ABTB3: variants seen among roughly 807,000 people sequenced by gnomAD.
ABTB3 encodes ankyrin repeat- and BTB/POZ domain-containing protein 3.
the ABTB3 span, among the ~76,000 whole-genome samples, chr12:107,451,004 A>G: frequency 1.3e-5 from 2 of 152,006 alleles, no homozygotes; most frequent in Non-Finnish European, 2.9e-5. Context: ...ATGCATGTGA[A>G]GTATTTCTAA....
chr12:107,455,557 G>A, the ABTB3 span, among the ~76,000 whole-genome samples: 1 of 152,058 alleles, frequency 6.6e-6, no homozygotes, highest in African/African-American at 2.4e-5. Context: ...AGTAGGTCCT[G>A]TGTCAGTTAG....
the ABTB3 span, among the ~76,000 whole-genome samples, chr12:107,580,139 C>A: frequency 6.6e-6 from 1 of 152,208 alleles, no homozygotes; most frequent in East Asian, 1.9e-4. Flanking sequence ...TGAGACCCAG[C>A]AGTCCGTATT....
chr12:107,356,650 C>G, the ABTB3 span, among the ~76,000 whole-genome samples: 2 of 152,282 alleles, frequency 1.3e-5, no homozygotes, highest in South Asian at 2.1e-4. Context: ...AATGTTCCAC[C>G]CTGTGTGCCA....
the ABTB3 span, among the ~76,000 whole-genome samples, chr12:107,443,236 A>G: frequency 6.6e-6 from 1 of 152,088 alleles, no homozygotes; most frequent in Non-Finnish European, 1.5e-5. Flanking sequence ...GGAATTGAAG[A>G]GAATGAAATG....
chr12:107,519,076 G>A, the ABTB3 span, among the ~76,000 whole-genome samples: 1 of 152,128 alleles, frequency 6.6e-6, no homozygotes, highest in Middle Eastern at 3.2e-3. Context: ...CTTGGTAGGT[G>A]TATCTGTTAG....
the ABTB3 span, among the ~76,000 whole-genome samples, chr12:107,416,077 C>T: frequency 6.6e-6 from 1 of 152,176 alleles, no homozygotes; most frequent in Non-Finnish European, 1.5e-5. Flanking sequence ...GGCGCAGCTG[C>T]AAATGAGAAA....
chr12:107,610,194 G>A, the ABTB3 span: 19 of 1,614,052 alleles, frequency 1.2e-5, no homozygotes, highest in East Asian at 4.5e-5. Context: ...CCTTAGGGCC[G>A]ACGACTGCTT....
the ABTB3 span, chr12:107,657,402 G>A: frequency 1.1e-6 from 1 of 947,606 alleles, no homozygotes; most frequent in African/African-American, 1.6e-5. Flanking sequence ...ACATTCTGCA[G>A]CCAGTCTTCC....
At chr12:107,497,373 C>A in the ABTB3 span, among the ~76,000 whole-genome samples, 1 of 151,282 alleles carries the variant, frequency 6.6e-6, no homozygotes, top group Non-Finnish European at 1.5e-5. Flanking sequence ...TCATCACCAT[C>A]GCCACCATCA....
chr12:107,323,401 A>G, the ABTB3 span, among the ~76,000 whole-genome samples: 1 of 152,230 alleles, frequency 6.6e-6, no homozygotes, highest in Non-Finnish European at 1.5e-5. Flanking sequence ...CAGAAAAAAA[A>G]GATAATTGGC....
At chr12:107,433,153 G>A in the ABTB3 span, among the ~76,000 whole-genome samples, 4 of 151,486 alleles carry the variant, frequency 2.6e-5, no homozygotes, top group Non-Finnish European at 5.9e-5. Context: ...AGCCGGGCGC[G>A]GTGGCGGGCG....
chr12:107,434,832 C>T, the ABTB3 span, among the ~76,000 whole-genome samples: 1 of 151,882 alleles, frequency 6.6e-6, no homozygotes, highest in Non-Finnish European at 1.5e-5. Context: ...CCACTGTACT[C>T]CAGCCTGGGT....
At chr12:107,319,195 G>A in the ABTB3 span, 3 of 1,594,418 alleles carry the variant, frequency 1.9e-6, no homozygotes, top group East Asian at 2.2e-5. Context: ...GCGCCGGCCA[G>A]CACTGCTCGC....
At chr12:107,361,367 C>T in the ABTB3 span, among the ~76,000 whole-genome samples, 3 of 152,142 alleles carry the variant, frequency 2.0e-5, no homozygotes, top group Non-Finnish European at 4.4e-5. Flanking sequence ...AGTGTCCTTA[C>T]GTGTCGTGAT....
At chr12:107,577,670 G>A in the ABTB3 span, among the ~76,000 whole-genome samples, 4 of 152,086 alleles carry the variant, frequency 2.6e-5, no homozygotes, top group Admixed American at 1.3e-4. Flanking sequence ...CAGTGAAGAT[G>A]TAGATGGCCA....
At chr12:107,654,830 A>ACACACACACACGCG in the ABTB3 span, among the ~76,000 whole-genome samples, 1 of 147,046 alleles carries the variant, frequency 6.8e-6, no homozygotes, top group African/African-American at 2.6e-5. Context: ...ACACACACAC[A>ACACACACACACGCG]CACACACACA....
the ABTB3 span, among the ~76,000 whole-genome samples, chr12:107,427,244 C>T: frequency 1.3e-5 from 2 of 151,990 alleles, no homozygotes; most frequent in Non-Finnish European, 2.9e-5. Flanking sequence ...TCCATCATCA[C>T]GTTGCCTTCT....
the ABTB3 span, among the ~76,000 whole-genome samples, chr12:107,356,480 G>A: frequency 6.6e-6 from 1 of 152,154 alleles, no homozygotes; most frequent in Non-Finnish European, 1.5e-5. Context: ...GACCACTATG[G>A]AGAGGTTGGG....
At chr12:107,560,389 G>A in the ABTB3 span, among the ~76,000 whole-genome samples, 23 of 152,164 alleles carry the variant, frequency 1.5e-4, no homozygotes, top group African/African-American at 5.3e-4. Flanking sequence ...GAGAACCCTG[G>A]GAGGGAGCCT....
Sources: gnomAD v4.1 joint callset for allele counts (sites outside exome capture counted in the v4.1 genomes callset) on GRCh38, gnomAD v4.1.1 for gene constraint, MANE v1.5 for transcripts, NCBI Gene and HGNC (gene_info 2026-07-23, HGNC 2026-07-21) for gene names.